Variants in RORA observed in about 807,000 individuals in gnomAD.
The protein encoded by RORA is nuclear receptor ROR-alpha.
In RORA, 7 loss-of-function variants were observed where a neutral mutation model predicts 69.5. That is an observed-to-expected ratio of 0.10 (90% CI 0.06 to 0.19). The LOEUF (loss-of-function observed/expected upper bound fraction) is 0.19. Among genes scored for constraint, RORA ranks in the 10% least tolerant of loss-of-function variants. The pLI, the probability that RORA is intolerant of heterozygous loss-of-function variation, is 1.00. For missense variants in RORA, 457 were observed against 663.0 expected (o/e 0.69, Z 3.41); for synonymous variants, 261 against 240.8 (o/e 1.08, Z -0.78).
intron 1 of RORA, among the ~76,000 whole-genome samples, chr15:60,900,108 C>T (rs1891345221): frequency 1.3e-5 from 2 of 152,180 alleles, no homozygotes; most frequent in South Asian, 4.1e-4. Flanking sequence ...TCCTCACAAC[C>T]ATAATACAAC....
intron 1 of RORA, among the ~76,000 whole-genome samples, chr15:60,891,177 C>T (rs1032167249): frequency 1.3e-5 from 2 of 152,180 alleles, no homozygotes; most frequent in Non-Finnish European, 2.9e-5. Flanking sequence ...CAAATGAGCC[C>T]ATTTTTCTTT....
chr15:60,815,663 C>A (rs341371), intron 1 of RORA, among the ~76,000 whole-genome samples: 1 of 150,670 alleles, frequency 6.6e-6, no homozygotes, highest in Admixed American at 6.6e-5. Context: ...CTCCCTGCCC[C>A]GCCACCACTT....
At chr15:61,167,805 A>G (rs559003388) in intron 1 of RORA, among the ~76,000 whole-genome samples, 12 of 152,348 alleles carry the variant, frequency 7.9e-5, no homozygotes, top group Non-Finnish European at 1.5e-4. Context: ...TGTGGCATTC[A>G]GGACCCTCCA....
At chr15:60,740,835 T>A (rs1158125938) in intron 1 of RORA, among the ~76,000 whole-genome samples, 1 of 152,166 alleles carries the variant, frequency 6.6e-6, no homozygotes. Flanking sequence ...ATGACCATAC[T>A]GAAGGAGCTA....
chr15:60,824,440 C>T (rs1050451572), intron 1 of RORA, among the ~76,000 whole-genome samples: 2 of 140,072 alleles, frequency 1.4e-5, no homozygotes, highest in African/African-American at 5.1e-5. Context: ...TAGACATCTT[C>T]CCTTATTAAA....
chr15:61,138,496 T>C (rs1003173214), intron 1 of RORA, among the ~76,000 whole-genome samples: 1 of 152,162 alleles, frequency 6.6e-6, no homozygotes, highest in Non-Finnish European at 1.5e-5. Flanking sequence ...CCAGTTGCAA[T>C]GTTTGCCTGT....
At chr15:60,885,326 G>T (rs1595791784) in intron 1 of RORA, among the ~76,000 whole-genome samples, 1 of 152,324 alleles carries the variant, frequency 6.6e-6, no homozygotes, top group Middle Eastern at 3.4e-3. Flanking sequence ...GGAGTGTGCA[G>T]TTGAACCCCA....
chr15:60,821,504 C>T (rs1460052645), intron 1 of RORA, among the ~76,000 whole-genome samples: 1 of 152,202 alleles, frequency 6.6e-6, no homozygotes, highest in Non-Finnish European at 1.5e-5. Flanking sequence ...TAACTCACCA[C>T]TTTTATCCCC....
chr15:60,989,988 G>T (rs1894323849), intron 1 of RORA, among the ~76,000 whole-genome samples: 1 of 151,990 alleles, frequency 6.6e-6, no homozygotes, highest in South Asian at 2.1e-4. Flanking sequence ...AATTATTTTT[G>T]TCAGAGATTA....
intron 2 of RORA, among the ~76,000 whole-genome samples, chr15:60,621,616 C>T (rs1384710040): frequency 2.6e-5 from 4 of 151,958 alleles, no homozygotes; most frequent in Admixed American, 1.3e-4. Context: ...GCTTTTTAAG[C>T]GAGGCTTTAA....
chr15:60,664,587 G>A (rs1171048862), intron 2 of RORA, among the ~76,000 whole-genome samples: 1 of 152,164 alleles, frequency 6.6e-6, no homozygotes. Context: ...GTGAAGCTGA[G>A]AAAGTAAGAT....
intron 1 of RORA, among the ~76,000 whole-genome samples, chr15:60,688,378 A>G (rs2070776933): frequency 6.6e-6 from 1 of 152,190 alleles, no homozygotes; most frequent in Non-Finnish European, 1.5e-5. Flanking sequence ...TAAAATTTCT[A>G]TAAAACACCT....
chr15:60,762,739 C>T (rs2071913786), intron 1 of RORA, among the ~76,000 whole-genome samples: 1 of 152,184 alleles, frequency 6.6e-6, no homozygotes, highest in Admixed American at 6.5e-5. Context: ...CTAACCGCTA[C>T]CCTAAAATTA....
chr15:60,579,571 G>C (rs2068131338), intron 2 of RORA, among the ~76,000 whole-genome samples: 1 of 152,136 alleles, frequency 6.6e-6, no homozygotes, highest in African/African-American at 2.4e-5. Flanking sequence ...AAGAAAACTA[G>C]CTATTCTAAC....
chr15:60,652,287 T>A (rs1276096884), intron 2 of RORA, among the ~76,000 whole-genome samples: 1 of 152,092 alleles, frequency 6.6e-6, no homozygotes, highest in African/African-American at 2.4e-5. Context: ...TTATTAAAGA[T>A]AATTAAAAGC....
intron 1 of RORA, among the ~76,000 whole-genome samples, chr15:60,928,192 C>T (rs917372034): frequency 2.0e-5 from 3 of 152,204 alleles, no homozygotes; most frequent in Admixed American, 6.5e-5. Flanking sequence ...AATTCAGACT[C>T]CCCTGCATCT....
chr15:60,917,949 A>C (rs182800085), intron 1 of RORA, among the ~76,000 whole-genome samples: 1 of 152,350 alleles, frequency 6.6e-6, no homozygotes, highest in Admixed American at 6.5e-5. Flanking sequence ...TGAGCACAAA[A>C]GTGGGATGGC....
chr15:60,636,211 C>T (rs1043583785), intron 2 of RORA, among the ~76,000 whole-genome samples: 1 of 152,190 alleles, frequency 6.6e-6, no homozygotes, highest in African/African-American at 2.4e-5. Flanking sequence ...CGATGTTCTT[C>T]ATCTACTGTC....
At chr15:61,003,522 G>A (rs1894813069) in intron 1 of RORA, among the ~76,000 whole-genome samples, 1 of 152,174 alleles carries the variant, frequency 6.6e-6, no homozygotes, top group Non-Finnish European at 1.5e-5. Context: ...TTCCAGCTGG[G>A]AGATGCCAAC....
Sources: allele counts gnomAD v4.1 joint callset (sites outside exome capture counted in the v4.1 genomes callset), GRCh38; gene constraint gnomAD v4.1.1; transcripts MANE v1.5; gene names NCBI Gene and HGNC (gene_info 2026-07-23, HGNC 2026-07-21).